SPNS2: variants seen among roughly 807,000 people sequenced by gnomAD.
The protein encoded by SPNS2 is sphingosine-1-phosphate transporter SPNS2.
A neutral mutation model predicts 57.6 loss-of-function variants in SPNS2; 37 were observed. The ratio of observed to expected loss-of-function variants is 0.64; its 90% CI spans 0.49 to 0.85. The LOEUF (loss-of-function observed/expected upper bound fraction) is 0.85. Ranked by LOEUF, SPNS2 falls within the 40% of genes least tolerant of loss-of-function variation. The pLI, the probability that SPNS2 is intolerant of heterozygous loss-of-function variation, is 0.00. For synonymous variants in SPNS2, 440 were observed against 346.9 expected, an observed-to-expected ratio of 1.27 and a Z score of -2.98; for missense variants, 831 against 779.1, an observed-to-expected ratio of 1.07 and a Z score of -0.79.
intron 1 of SPNS2, among the ~76,000 whole-genome samples, chr17:4,509,131 C>T (rs2144313675): frequency 6.6e-6 from 1 of 152,268 alleles, no homozygotes; most frequent in East Asian, 1.9e-4. Context: ...AGGGTCCGCT[C>T]AGGGAATGGG....
Position 4,530,694 on chromosome 17 carries a change from C to T in SPNS2, c.636C>T (p.Thr212=). ...GCATCGGGGAGGCCAGCTACTCCAC[C>T]ATCGCCCCCACTATCATTGGCGACC... is the stretch of plus-strand genomic sequence containing the variant. ...LVGIGEASYS[T]IAPTIIGDLF... The change falls in exon 4 of 13, where the codon ACC becomes ACT. Residue 212 remains threonine (T), a synonymous_variant. Transcript: ENST00000329078. 3 of 1,614,018 alleles carry T rather than the reference C, an allele frequency of 1.9e-6. No individual in the cohort carries two copies. The highest frequency in any genetic ancestry group is 2.5e-6 in the Non-Finnish European group (3 of 1,179,958).
intron 2 of SPNS2, among the ~76,000 whole-genome samples, chr17:4,518,467 G>A (rs1194291921): frequency 1.3e-5 from 2 of 152,238 alleles, no homozygotes; most frequent in East Asian, 3.9e-4. Flanking sequence ...AGCTTGCAGT[G>A]AGCCGAGATC....
In SPNS2 at chr17:4,537,847, C is replaced by A; in HGVS notation, c.*399C>A. Reference sequence around the variant, plus strand: ...GGACTTTCCCACACAACTTGCTGGGCAAAGCACGATCTGCAGCTTTGAAGA... The same window carrying A: ...GGACTTTCCCACACAACTTGCTGGGAAAAGCACGATCTGCAGCTTTGAAGA... On this transcript the variant is annotated 3_prime_UTR_variant, in exon 13 of 13. Transcript: ENST00000329078. 2.2e-6 allele frequency: 1 copy of A among 454,224 alleles called. No individual in the cohort carries two copies. The highest frequency in any genetic ancestry group is 4.4e-6 in the Non-Finnish European group (1 of 224,968). 28.1% of individuals were successfully genotyped at this position (454,224 alleles called of 1,614,324 possible). A position where few individuals can be genotyped will look rare whatever the true frequency, so the allele number is the denominator to read the frequency against.
chr17:4,511,442 G>T lies in SPNS2; in HGVS notation c.371-1805G>T, dbSNP rs1440342717. Among the ~76,000 whole-genome samples, 1 of 152,160 alleles carries T rather than the reference G, an allele frequency of 6.6e-6. No homozygotes were observed. The highest frequency in any genetic ancestry group is 1.5e-5 in the Non-Finnish European group (1 of 68,024). ...TGAGGCCGGAGGGCGGGGCTGGCAG[G>T]GCCACACCTTCACCCTGTGAAGTGA... On this transcript the variant is annotated intron_variant, in intron 1 of 12. Coordinates refer to ENST00000329078, the MANE Select transcript of SPNS2 (RefSeq NM_001124758.3). This position sits in a 1 kb window ranked among gnomAD's most constrained non-coding sequence, Gnocchi z 4.6.
At chr17:4,530,469 G>T (rs893000728) in intron 3 of SPNS2, among the ~76,000 whole-genome samples, 163 bp from the exon 4 acceptor site, 1 of 152,062 alleles carries the variant, frequency 6.6e-6, no homozygotes. Context: ...GGCCCGGAGT[G>T]GCTGGGGGAG....
chr17:4,526,467 G>T (rs1018194786), intron 3 of SPNS2, among the ~76,000 whole-genome samples: 1 of 152,102 alleles, frequency 6.6e-6, no homozygotes, highest in African/African-American at 2.4e-5. Flanking sequence ...GCCAGGCATG[G>T]TGGTGCATGC....
intron 9 of SPNS2, among the ~76,000 whole-genome samples, chr17:4,534,767 A>G (rs8066779): frequency 0.057 from 8,712 of 151,776 alleles, 500 homozygotes; most frequent in African/African-American, 0.15. Context: ...GCACGGAGCC[A>G]GGCGGTGGCA....
At chr17:4,526,171 G>T (rs1226879813) in intron 3 of SPNS2, among the ~76,000 whole-genome samples, 1 of 152,208 alleles carries the variant, frequency 6.6e-6, no homozygotes, top group African/African-American at 2.4e-5. Flanking sequence ...CTTGAAATCC[G>T]TGGGGTCAGG....
chr17:4,515,954 T>A (rs1397110200), intron 2 of SPNS2, among the ~76,000 whole-genome samples: 1 of 152,196 alleles, frequency 6.6e-6, no homozygotes, highest in African/African-American at 2.4e-5. Context: ...GCTGCTGGTT[T>A]GGACCTGGCC....
intron 1 of SPNS2, among the ~76,000 whole-genome samples, chr17:4,502,569 C>G (rs111976105): frequency 0.011 from 1,613 of 152,244 alleles, 28 homozygotes; most frequent in South Asian, 0.036. Flanking sequence ...TGCCAGAGTT[C>G]GAGCCAAGGC....
Position 4,536,249 on chromosome 17 carries a change from C to T in SPNS2, c.1444-14C>T. On this transcript the variant is annotated splice_polypyrimidine_tract_variant and intron_variant, in intron 10 of 12. Coordinates refer to ENST00000329078, the MANE Select transcript of SPNS2 (RefSeq NM_001124758.3). ...GAGGGCTCTGCCCTGACATCCACCC[C>T]CAAATCCTCGCAGATCTCAGACCTG... The T allele has an allele frequency of 6.2e-7, 1 of 1,610,960 alleles. No individual in the cohort carries two copies. The highest frequency in any genetic ancestry group is 8.5e-7 in the Non-Finnish European group (1 of 1,179,192).
intron 11 of SPNS2, 99 bp from the exon 12 acceptor site, chr17:4,536,801 C>T (rs992505038): frequency 2.0e-6 from 2 of 1,005,126 alleles, no homozygotes; most frequent in Non-Finnish European, 1.5e-6. Flanking sequence ...TGCCCAGCAC[C>T]TCCGGTCAGC....
Position 4,538,625 on chromosome 17 carries a change from G to A in SPNS2, c.*1177G>A, listed in dbSNP as rs1906014877. The A allele has an allele frequency of 6.2e-6, 3 of 484,164 alleles. No individual in the cohort carries two copies. Among genetic ancestry groups the A allele is most frequent in the African/African-American group, 5.9e-5 (3 of 51,250 alleles). The allele number at this position is 484,164 out of a possible 1,614,324, so 30.0% of individuals were successfully genotyped here. Reference sequence around the variant, plus strand: ...CTGCTGCAATCAAGGTGGTTCTGGTGCGGGGGTGGGGTGGGGGGTGAGGCC... The same window carrying A: ...CTGCTGCAATCAAGGTGGTTCTGGTACGGGGGTGGGGTGGGGGGTGAGGCC... On this transcript the variant is annotated 3_prime_UTR_variant, in exon 13 of 13. Coordinates refer to ENST00000329078, the MANE Select transcript of SPNS2 (RefSeq NM_001124758.3).
At position 4,531,151 on chromosome 17, in the gene SPNS2, C is replaced by T. The variant is rs777180179; in HGVS notation, c.792+32C>T. 8.1e-6 allele frequency: 13 copies of T among 1,609,114 alleles called. No individual in the cohort carries two copies. The Admixed American group carries it at 1.7e-4, about 21-fold the overall frequency. On this transcript the variant is annotated intron_variant, in intron 5 of 12. Transcript: ENST00000329078. ...CCTACGTCCCTTCCCATGAGGACAC[C>T]CTCCGGTCCAGACCTCGCCCCAGGG...
At position 4,531,531 on chromosome 17, in the gene SPNS2, G is replaced by A. The variant is rs563309889; in HGVS notation, c.792+412G>A. 1.4e-4 allele frequency among the ~76,000 whole-genome samples: 21 copies of A among 152,314 alleles called. 1 individual carries two copies. The highest frequency in any genetic ancestry group is 3.8e-4 in the African/African-American group (16 of 41,574). ...GGCCCCAGAGTCTGGAGCCACTTCC[G>A]GTCTCGCTGGGTTTGGGGCAAGTTA... On this transcript the variant is annotated intron_variant, in intron 5 of 12. Coordinates refer to ENST00000329078, the MANE Select transcript of SPNS2 (RefSeq NM_001124758.3).
At chr17:4,531,264 A>C in intron 5 of SPNS2, 145 bp downstream of exon 5, 1 of 733,338 alleles carries the variant, frequency 1.4e-6, no homozygotes, top group East Asian at 2.7e-5. Context: ...GCCCTTCCAG[A>C]TTAGTCCAGA....
chr17:4,532,899 G>T, intron 6 of SPNS2, 78 bp from the exon 7 acceptor site: 1 of 1,533,662 alleles, frequency 6.5e-7, no homozygotes. Flanking sequence ...GGGGCCTCCT[G>T]TTCCCCCAGT....
At chr17:4,517,023 C>G (rs55688450) in intron 2 of SPNS2, among the ~76,000 whole-genome samples, 3 of 152,242 alleles carry the variant, frequency 2.0e-5, no homozygotes, top group Non-Finnish European at 4.4e-5. Context: ...AGGGAACGCC[C>G]GCCTGGCTCA....
At chr17:4,509,503 A>G (rs552038448) in intron 1 of SPNS2, among the ~76,000 whole-genome samples, 1 of 152,332 alleles carries the variant, frequency 6.6e-6, no homozygotes, top group Admixed American at 6.5e-5. Context: ...GGCAGAGGGG[A>G]CAAGTCAGAG....
Sources: gnomAD v4.1 joint callset for allele counts (sites outside exome capture counted in the v4.1 genomes callset) on GRCh38, gnomAD v4.1.1 for gene constraint, Gnocchi (gnomAD v3.1) non-coding constraint, MANE v1.5 for transcripts, NCBI Gene and HGNC (gene_info 2026-07-23, HGNC 2026-07-21) for gene names.